FURIN: variants seen among roughly 807,000 people sequenced by gnomAD.
FURIN encodes FES upstream region.
In FURIN, 18 loss-of-function variants were observed where a neutral mutation model predicts 89.2. The ratio of observed to expected loss-of-function variants is 0.20; its 90% confidence interval spans 0.14 to 0.30. The LOEUF is 0.30. FURIN is among the 10% of genes least tolerant of loss of function. The probability of loss-of-function intolerance (pLI) is 1.00; values close to 1 mark genes in which losing one functional copy is unlikely to be tolerated. For missense variants in FURIN, 879 were observed against 1,100.5 expected, an observed-to-expected ratio of 0.80 and a Z score of 2.85; for synonymous variants, 508 against 466.4, an observed-to-expected ratio of 1.09 and a Z score of -1.15.
At chr15:90,869,011 G>C (rs1005399110) in intron 1 of FURIN, among the ~76,000 whole-genome samples, 3 of 152,210 alleles carry the variant, frequency 2.0e-5, no homozygotes, top group Non-Finnish European at 2.9e-5. Flanking sequence ...ACCCCAAGGA[G>C]ACAACAGGAG....
At chr15:90,871,833 C>T (rs1462749464) in intron 1 of FURIN, among the ~76,000 whole-genome samples, 1 of 150,212 alleles carries the variant, frequency 6.7e-6, no homozygotes, top group Non-Finnish European at 1.5e-5. Flanking sequence ...GCCCCGGGGC[C>T]GGCCCCGAGG....
At chr15:90,875,387 G>T (rs1359855596) in intron 1 of FURIN, among the ~76,000 whole-genome samples, 195 bp from the exon 2 acceptor site, 1 of 152,156 alleles carries the variant, frequency 6.6e-6, no homozygotes, top group African/African-American at 2.4e-5. Flanking sequence ...GGGGGATTGT[G>T]AGGGCATCCA....
intron 1 of FURIN, among the ~76,000 whole-genome samples, chr15:90,875,158 C>T (rs565851302): frequency 6.6e-6 from 1 of 151,968 alleles, no homozygotes; most frequent in South Asian, 2.1e-4. Flanking sequence ...CCTCAGCCTC[C>T]CAAGTCGCTG....
intron 1 of FURIN, among the ~76,000 whole-genome samples, chr15:90,874,346 C>T (rs899822173): frequency 3.9e-5 from 6 of 152,260 alleles, no homozygotes; most frequent in East Asian, 1.9e-4. Flanking sequence ...GCTCGGATTA[C>T]GCAAGGCTGG....
chr15:90,875,723 C>T lies in FURIN; in HGVS notation c.-18C>T. On this transcript the variant is annotated 5_prime_UTR_variant, in exon 2 of 16. Transcript: ENST00000268171. ...CAAGGAGACGGGCGCTCCAGGGTCC[C>T]AGCCACCTGTCCCCCCCATGGAGCT... is the stretch of plus-strand genomic sequence containing the variant. The T allele has an allele frequency of 1.3e-6, 2 of 1,521,796 alleles. No individual in the cohort carries two copies. Among genetic ancestry groups the T allele is most frequent in the South Asian group, 2.5e-5 (2 of 79,978 alleles). The allele number at this position is 1,521,796 out of a possible 1,614,324, so 94.3% of individuals were successfully genotyped here. A position where few individuals can be genotyped will look rare whatever the true frequency, so the allele number is the denominator to read the frequency against.
intron 1 of FURIN, among the ~76,000 whole-genome samples, chr15:90,873,840 G>C (rs1035643239): frequency 4.6e-5 from 7 of 152,164 alleles, no homozygotes; most frequent in Non-Finnish European, 5.9e-5. Flanking sequence ...AGGTTATTTT[G>C]GTCCAAACTG....
At chr15:90,879,259 A>G (rs2031805563) in intron 9 of FURIN, among the ~76,000 whole-genome samples, 185 bp from the exon 10 acceptor site, 1 of 152,182 alleles carries the variant, frequency 6.6e-6, no homozygotes, top group South Asian at 2.1e-4. Context: ...GAGGCCCAGG[A>G]GGGGCTCGTC....
chr15:90,880,065 G>A (rs774680577), intron 12 of FURIN, 29 bp from the exon 13 acceptor site: 7 of 1,604,012 alleles, frequency 4.4e-6, no homozygotes, highest in Non-Finnish European at 6.0e-6. Context: ...TCTGGGCCAG[G>A]CTGACCATCA....
At chr15:90,880,844 A>G (rs368141236) in intron 14 of FURIN, 29 bp downstream of exon 14, 13 of 1,611,448 alleles carry the variant, frequency 8.1e-6, no homozygotes, top group Non-Finnish European at 1.1e-5. Context: ...GGGTAGGGGT[A>G]CGAGGTGGAG....
chr15:90,880,897 C>G (rs768086826), intron 14 of FURIN, 33 bp from the exon 15 acceptor site: 1 of 1,611,546 alleles, frequency 6.2e-7, no homozygotes. Context: ...CCAGCACTGT[C>G]TTAACTCTTG....
At chr15:90,880,317 C>G (rs1423448140) in intron 13 of FURIN, 44 bp downstream of exon 13, 3 of 1,487,000 alleles carry the variant, frequency 2.0e-6, no homozygotes, top group South Asian at 2.5e-5. Flanking sequence ...GCCGCCGCCT[C>G]TCACAGCCCG....
intron 1 of FURIN, among the ~76,000 whole-genome samples, chr15:90,872,388 G>A (rs2031365061): frequency 6.6e-6 from 1 of 152,114 alleles, no homozygotes; most frequent in Non-Finnish European, 1.5e-5. Context: ...TGGCCCCTGG[G>A]GTGCAGACCC....
In FURIN at chr15:90,880,075, A is replaced by G; in HGVS notation, c.1377-19A>G. The G allele has an allele frequency of 1.2e-6, 2 of 1,603,904 alleles. No homozygotes were observed. The highest frequency in any genetic ancestry group is 1.3e-5 in the African/African-American group (1 of 74,920). ...GTCCCTCTGGGCCAGGCTGACCATC[A>G]TGGTGCTCTCCTGCACAGAGACATC... On this transcript the variant is annotated intron_variant, in intron 12 of 15. Coordinates refer to ENST00000268171, the MANE Select transcript of FURIN (RefSeq NM_002569.4).
intron 6 of FURIN, 152 bp downstream of exon 6, chr15:90,877,363 G>C: frequency 3.3e-6 from 3 of 920,620 alleles, no homozygotes; most frequent in Non-Finnish European, 4.9e-6. Flanking sequence ...GGCTCGGTCA[G>C]AGTGGAGATG....
chr15:90,877,087 CT>C, intron 5 of FURIN, 47 bp from the exon 6 acceptor site: 1 of 1,610,538 alleles, frequency 6.2e-7, no homozygotes, highest in Non-Finnish European at 8.5e-7. Context: ...CTGTCTTGTT[CT>C]ATCAGTGAGG....
In FURIN at chr15:90,876,372, C is replaced by T. The variant is rs2031625951; in HGVS notation, c.276+19C>T. The T allele has an allele frequency of 1.9e-6, 3 of 1,570,142 alleles. No homozygotes were observed. The highest frequency in any genetic ancestry group is 1.4e-5 in the African/African-American group (1 of 74,030). On this transcript the variant is annotated intron_variant, in intron 3 of 15. Transcript: ENST00000268171. The surrounding 1 kb of genome is among the most constrained non-coding windows in gnomAD (Gnocchi z 5.0). ...GCCTCAAGTGAGTGTGGCCCCAGCC[C>T]CCTCCTGCTGCCACCCTCCCCCTCC...
chr15:90,876,046 G>A lies in FURIN; in HGVS notation c.177+129G>A, dbSNP rs1273969822. 5 of 848,544 alleles carry A rather than the reference G, an allele frequency of 5.9e-6. No homozygotes were observed. Among genetic ancestry groups the A allele is most frequent in the African/African-American group, 3.4e-5 (2 of 59,218 alleles). The allele number at this position is 848,544 out of a possible 1,614,324, so 52.6% of individuals were successfully genotyped here. A position where few individuals can be genotyped will look rare whatever the true frequency, so the allele number is the denominator to read the frequency against. On this transcript the variant is annotated intron_variant, in intron 2 of 15. Coordinates refer to ENST00000268171, the MANE Select transcript of FURIN (RefSeq NM_002569.4). The surrounding 1 kb of genome is among the most constrained non-coding windows in gnomAD (Gnocchi z 5.0). ...GCCGGCATGTTCTGGGTGGCCATGA[G>A]CAAAGCACAGGTGGTTCAGGCAAGC...
chr15:90,878,377 GTTTGT>G (rs2031754843), intron 8 of FURIN, 73 bp downstream of exon 8: 3 of 1,283,884 alleles, frequency 2.3e-6, no homozygotes, highest in East Asian at 2.5e-5. Flanking sequence ...GTGTTTTTTG[GTTTGT>G]TTTATTTATT....
Position 90,879,538 on chromosome 15 carries a change from A to G in FURIN, c.1148A>G (p.Glu383Gly), listed in dbSNP as rs2031821017. Residue 383 changes from glutamate (E) to glycine (G), a missense_variant, in exon 10 of 16, where the codon GAG becomes GGG. Transcript: ENST00000268171. ...GCCGGCATCATTGCTCTCACCCTGG[A>G]GGCCAAGTAAGTGGGTGGGGGCCAG... ...LAAGIIALTL[E>G]ANKNLTWRDM... 1.2e-5 allele frequency: 20 copies of G among 1,609,414 alleles called. No homozygotes were observed. The highest frequency in any genetic ancestry group is 1.7e-5 in the Non-Finnish European group (20 of 1,176,000).
Sources: allele counts gnomAD v4.1 joint callset (sites outside exome capture counted in the v4.1 genomes callset), GRCh38; gene constraint gnomAD v4.1.1; non-coding constraint Gnocchi (gnomAD v3.1); transcripts MANE v1.5; gene names NCBI Gene and HGNC (gene_info 2026-07-23, HGNC 2026-07-21).